RSPO2: variants seen among roughly 807,000 people sequenced by gnomAD.
RSPO2 encodes R-spondin 2.
In RSPO2, 14 loss-of-function variants were observed where a neutral mutation model predicts 30.9. The observed-to-expected ratio is 0.45, with a 90% confidence interval of 0.30 to 0.71. RSPO2 has a LOEUF of 0.71. RSPO2 is among the 30% of genes least tolerant of loss of function. The pLI is 0.08. For missense variants in RSPO2, 264 were observed against 301.9 expected (o/e 0.87, Z 0.93); for synonymous variants, 107 against 96.4 (o/e 1.11, Z -0.64).
At chr8:107,983,179 T>C (rs548263024) in intron 3 of RSPO2, 31 of 1,550,280 alleles carry the variant, frequency 2.0e-5, no homozygotes, top group Non-Finnish European at 2.7e-5. Flanking sequence ...AGACCGTTTA[T>C]TAGCTGTAGG....
Position 107,899,427 on chromosome 8 carries a change from A to AAAAT in RSPO2, c.*1644_*1647dup, listed in dbSNP as rs1345860398. 1.3e-5 allele frequency: 2 copies of AAAAT among 151,248 alleles called. No individual in the cohort carries two copies. Among genetic ancestry groups the AAAAT allele is most frequent in the African/African-American group, 2.4e-5 (1 of 41,394 alleles). 9.4% of individuals were successfully genotyped at this position (151,248 alleles called of 1,614,324 possible). The stretch of plus-strand genomic sequence containing the variant: ...ACCCCCTCCCCACTTAGTAAATGGG[A>AAAAT]AAATAGTGTAAATAGACATGAAAGG... On this transcript the variant is annotated 3_prime_UTR_variant, in exon 6 of 6. Transcript: ENST00000276659.
intron 2 of RSPO2, among the ~76,000 whole-genome samples, chr8:108,045,800 T>C (rs1316220258): frequency 6.6e-6 from 1 of 152,170 alleles, no homozygotes; most frequent in African/African-American, 2.4e-5. Context: ...GGGGAAAACA[T>C]GTGAACAATT....
At chr8:107,937,543 T>C (rs76815438) in intron 5 of RSPO2, among the ~76,000 whole-genome samples, 2 of 151,946 alleles carry the variant, frequency 1.3e-5, no homozygotes, top group Admixed American at 1.3e-4. Context: ...GCATTTTTTT[T>C]CCTCTCTGTA....
chr8:108,059,270 A>G (rs1812368417), intron 2 of RSPO2, among the ~76,000 whole-genome samples: 1 of 151,986 alleles, frequency 6.6e-6, no homozygotes, highest in African/African-American at 2.4e-5. Flanking sequence ...ATCACTGGCC[A>G]TCAGAGAAAT....
intron 5 of RSPO2, among the ~76,000 whole-genome samples, chr8:107,938,723 G>A (rs796988259): frequency 6.6e-6 from 1 of 152,168 alleles, no homozygotes; most frequent in South Asian, 2.1e-4. Context: ...GCCAAGCTGG[G>A]AAGAAATTTA....
At chr8:107,983,184 TG>T in intron 3 of RSPO2, 1 of 1,554,064 alleles carries the variant, frequency 6.4e-7, no homozygotes, top group Non-Finnish European at 8.8e-7. Context: ...GTTTATTAGC[TG>T]TAGGCAAATA....
rs114556828 is a variant in RSPO2, at chr8:108,049,292, A to G, written c.94+33253T>C. On this transcript the variant is annotated intron_variant, in intron 2 of 5. Transcript: ENST00000276659. ...AATAACATCAGCCCAACCACACGAT[A>G]TATTCATTTTCATCTACCTGGAATC... is the stretch of plus-strand genomic sequence containing the variant. Among the ~76,000 whole-genome samples the G allele has an allele frequency of 4.1e-3, 628 of 152,130 alleles. 5 individuals are homozygous for G. The highest frequency in any genetic ancestry group is 0.014 in the African/African-American group (593 of 41,490).
rs866186344 is a variant in RSPO2 at position 107,912,020 on chromosome 8, G to T, written c.617-10830C>A. ...TTCCTCAAATCAGTTATTCCCTGGG[G>T]TTAAGACATTCAAAGCCTCAGTTTC... is the stretch of plus-strand genomic sequence containing the variant. On this transcript the variant is annotated intron_variant, in intron 5 of 5. Coordinates refer to ENST00000276659, the MANE Select transcript of RSPO2 (RefSeq NM_178565.5). 2.6e-5 allele frequency among the ~76,000 whole-genome samples: 4 copies of T among 152,120 alleles called. No individual in the cohort carries two copies. The South Asian group carries it at 8.3e-4, about 32-fold the overall frequency.
chr8:108,026,001 A>G (rs1315283415), intron 2 of RSPO2, among the ~76,000 whole-genome samples: 2 of 152,254 alleles, frequency 1.3e-5, no homozygotes, highest in African/African-American at 4.8e-5. Flanking sequence ...CAAGATACTT[A>G]TTCCGCTGGG....
At chr8:108,081,246 T>C (rs1389092341) in intron 2 of RSPO2, among the ~76,000 whole-genome samples, 3 of 152,132 alleles carry the variant, frequency 2.0e-5, no homozygotes, top group Non-Finnish European at 4.4e-5. Flanking sequence ...AATCTCTAGC[T>C]CTGCCCCTAG....
rs760703263 is a variant in RSPO2, at chr8:107,989,084, G to T, written c.255C>A (p.His85Gln). 11 of 1,608,314 alleles carry T rather than the reference G, an allele frequency of 6.8e-6. No homozygotes were observed. Among genetic ancestry groups the T allele is most frequent in the Non-Finnish European group, 9.3e-6 (11 of 1,178,686 alleles). Residue 85 changes from histidine to glutamine, a missense_variant, in exon 3 of 6, where the codon CAC becomes CAA. His to Gln is a conservative substitution (Grantham distance 24). Transcript: ENST00000276659. ...LHSCPSGYYG[H>Q]RAPDMNRCAR... ...CACATCTGTTCATATCTGGGGCTCG[G>T]TGTCCATAGTACCCGGATGGGCAGG... is the stretch of plus-strand genomic sequence containing the variant.
chr8:107,966,756 A>T (rs1813820540), intron 3 of RSPO2, among the ~76,000 whole-genome samples: 1 of 152,258 alleles, frequency 6.6e-6, no homozygotes, highest in African/African-American at 2.4e-5. Flanking sequence ...ATATCTCAGC[A>T]TGGTCAATCA....
intron 2 of RSPO2, among the ~76,000 whole-genome samples, chr8:108,028,578 C>T (rs1165527569): frequency 6.6e-6 from 1 of 152,186 alleles, no homozygotes; most frequent in Admixed American, 6.5e-5. Context: ...AGGAACTGTG[C>T]ATGGTAGACC....
rs566240205 is a variant in RSPO2, at chr8:108,041,869, A to G, written c.94+40676T>C. Among the ~76,000 whole-genome samples, 4 of 152,228 alleles carry G rather than the reference A, an allele frequency of 2.6e-5. No homozygotes were observed. The East Asian group carries it at 7.7e-4, about 29-fold the overall frequency. ...GGGGGTTGGCATCACAACAGGTCAA[A>G]GGGGAAGGGAGTAGGATAATAAAGA... On this transcript the variant is annotated intron_variant, in intron 2 of 5. Transcript: ENST00000276659.
At chr8:107,918,232 T>C (rs1019007156) in intron 5 of RSPO2, among the ~76,000 whole-genome samples, 1 of 152,242 alleles carries the variant, frequency 6.6e-6, no homozygotes, top group South Asian at 2.1e-4. Flanking sequence ...AATATACTCC[T>C]ATGAACAAAA....
At chr8:108,030,784 C>G (rs979912229) in intron 2 of RSPO2, among the ~76,000 whole-genome samples, 10 of 152,168 alleles carry the variant, frequency 6.6e-5, no homozygotes, top group Admixed American at 6.5e-4. Flanking sequence ...AATTAAAACT[C>G]ATAAGAAAAG....
At chr8:108,018,108 C>G (rs1040174213) in intron 2 of RSPO2, among the ~76,000 whole-genome samples, 2 of 152,078 alleles carry the variant, frequency 1.3e-5, no homozygotes, top group African/African-American at 4.8e-5. Context: ...AAATTATACC[C>G]TCATTTCATA....
intron 3 of RSPO2, chr8:107,983,062 A>C: frequency 8.0e-7 from 1 of 1,249,822 alleles, no homozygotes; most frequent in Non-Finnish European, 1.1e-6. Flanking sequence ...AGTCCCCTCC[A>C]TGTTCCCTGG....
intron 2 of RSPO2, among the ~76,000 whole-genome samples, chr8:108,046,762 A>G (rs1402904438): frequency 6.6e-6 from 1 of 152,218 alleles, no homozygotes; most frequent in Non-Finnish European, 1.5e-5. Flanking sequence ...TGAAATAAAC[A>G]AGAATTTAAA....
Sources: allele counts gnomAD v4.1 joint callset (sites outside exome capture counted in the v4.1 genomes callset), GRCh38; gene constraint gnomAD v4.1.1; transcripts MANE v1.5; gene names NCBI Gene and HGNC (gene_info 2026-07-23, HGNC 2026-07-21).